Variants in FCHO1 observed in about 807,000 individuals in gnomAD.
FCHO1 encodes the protein F-BAR domain only protein 1.
A neutral mutation model predicts 114.4 loss-of-function variants in FCHO1; 45 were observed. The ratio of observed to expected loss-of-function variants is 0.39; its 90% CI spans 0.31 to 0.50. FCHO1 has a LOEUF of 0.50. Among genes scored for constraint, FCHO1 ranks in the 20% least tolerant of loss-of-function variants. FCHO1 has a pLI of 0.77. For missense variants in FCHO1, 1,042 were observed against 1,209.6 expected, an observed-to-expected ratio of 0.86 and a Z score of 2.06; for synonymous variants, 480 against 488.9, an observed-to-expected ratio of 0.98 and a Z score of 0.24.
At chr19:17,785,016 C>A in intron 26 of FCHO1, 92 bp downstream of exon 26, 2 of 1,295,862 alleles carry the variant, frequency 1.5e-6, no homozygotes, top group South Asian at 1.2e-5. Context: ...GGTGCACCCT[C>A]GGCCTGACCG....
chr19:17,776,254 T>G lies in FCHO1; in HGVS notation c.1190T>G (p.Met397Arg). The G allele has an allele frequency of 6.2e-7, 1 of 1,614,160 alleles. No individual in the cohort carries two copies. Among genetic ancestry groups the G allele is most frequent in the Non-Finnish European group, 8.5e-7 (1 of 1,180,030 alleles). ...TGCCCACTTTGTCCACAGGGCACCA[T>G]GAAACGCCATTCTTCACGTGAGTAG... ...LILPPGPGGTMKRHSSRDAAG... is the reference protein window; with the variant it reads ...LILPPGPGGTRKRHSSRDAAG... Residue 397 changes from methionine (M) to arginine (R), a missense_variant, in exon 17 of 29, where the codon ATG (methionine) becomes AGG (arginine). Physicochemically the swap from Met to Arg is moderately conservative, Grantham distance 91. Transcript: ENST00000596536. This position sits in a 1 kb window ranked among gnomAD's most constrained non-coding sequence, Gnocchi z 4.4.
intron 18 of FCHO1, among the ~76,000 whole-genome samples, chr19:17,777,555 A>T (rs1160045977): frequency 1.3e-5 from 2 of 151,624 alleles, no homozygotes; most frequent in Non-Finnish European, 2.9e-5. Context: ...AAAAAAAAAA[A>T]AAAAAAAGCA....
chr19:17,763,000 T>C, intron 5 of FCHO1, 147 bp downstream of exon 5: 1 of 605,472 alleles, frequency 1.7e-6, no homozygotes, highest in South Asian at 2.0e-5. Flanking sequence ...AAATGACCGA[T>C]TCTCAACCCG....
rs1388608046 is a variant in FCHO1, at chr19:17,784,703, C to G, written c.2227-22C>G. The G allele has an allele frequency of 8.7e-6, 14 of 1,611,760 alleles. No homozygotes were observed. The highest frequency in any genetic ancestry group is 6.7e-5 in the Admixed American group (4 of 59,998). ...CAGGATGGCCCAAGCTGTGTCCTCT[C>G]TCTCATTCTCATTCTTCCTAGTTCT... On this transcript the variant is annotated intron_variant, in intron 25 of 28. Transcript: ENST00000596536. This position sits in a 1 kb window ranked among gnomAD's most constrained non-coding sequence, Gnocchi z 5.3.
chr19:17,783,984 G>C, intron 24 of FCHO1, 119 bp from the exon 25 acceptor site: 4 of 1,275,644 alleles, frequency 3.1e-6, no homozygotes, highest in Non-Finnish European at 4.4e-6. Flanking sequence ...CCCAGGTAGG[G>C]CTTTGCTGGG....
chr19:17,774,384 C>G lies in FCHO1; in HGVS notation c.836-10C>G. ...TCACAGTGCTCAGGTGCCCCCCAAT[C>G]TATCCTCAGCGATGAAACGTTTGCG... On this transcript the variant is annotated splice_polypyrimidine_tract_variant and intron_variant, in intron 12 of 28. Transcript: ENST00000596536. 1 of 1,613,988 alleles carries G rather than the reference C, an allele frequency of 6.2e-7. No homozygotes were observed. Among genetic ancestry groups the G allele is most frequent in the East Asian group, 2.2e-5 (1 of 44,890 alleles).
chr19:17,770,242 AGT>A (rs1568342903), intron 7 of FCHO1, among the ~76,000 whole-genome samples, 181 bp from the exon 8 acceptor site: 1 of 152,142 alleles, frequency 6.6e-6, no homozygotes, highest in African/African-American at 2.4e-5. Context: ...CAGAGATTGC[AGT>A]GAGTCGAGAT....
chr19:17,786,759 A>G, intron 27 of FCHO1, 130 bp downstream of exon 27: 1 of 997,826 alleles, frequency 1.0e-6, no homozygotes, highest in Admixed American at 2.2e-5. Flanking sequence ...AAGTCTTTAA[A>G]AGCTGGAGGA....
intron 5 of FCHO1, 54 bp downstream of exon 5, chr19:17,762,907 C>A: frequency 8.1e-7 from 1 of 1,231,594 alleles, no homozygotes; most frequent in Non-Finnish European, 1.2e-6. Flanking sequence ...CCTGTAGTCA[C>A]GCCCACCTAA....
At chr19:17,748,227 G>A (rs2081037304), upstream of FCHO1, among the ~76,000 whole-genome samples, 1 of 152,144 alleles carries the variant, frequency 6.6e-6, no homozygotes. Flanking sequence ...CCCAGCTCCG[G>A]CCTGCAGACC....
intron 4 of FCHO1, among the ~76,000 whole-genome samples, chr19:17,757,656 C>T (rs1428701723): frequency 6.6e-6 from 1 of 152,180 alleles, no homozygotes; most frequent in Non-Finnish European, 1.5e-5. Context: ...TAGCTCACGT[C>T]TGTAATCCAA....
chr19:17,758,477 T>C lies in FCHO1; in HGVS notation c.27+3286T>C, dbSNP rs79062690. ...GTGAGGCTAGGAAGAAGCTAGGAGA[T>C]GAGGCTGGAGCAGCAATTCCAGGCC... On this transcript the variant is annotated intron_variant, in intron 4 of 28. Coordinates refer to ENST00000596536, the MANE Select transcript of FCHO1 (RefSeq NM_015122.3). Among the ~76,000 whole-genome samples the C allele has an allele frequency of 6.5e-3, 992 of 152,264 alleles. 11 individuals are homozygous for C. Among genetic ancestry groups the C allele is most frequent in the Non-Finnish European group, 7.5e-3 (508 of 68,030 alleles).
intron 24 of FCHO1, among the ~76,000 whole-genome samples, chr19:17,783,881 A>G (rs2093646913): frequency 6.6e-6 from 1 of 151,900 alleles, no homozygotes; most frequent in Non-Finnish European, 1.5e-5. Flanking sequence ...ACACCCAGCC[A>G]CCTCCTGGGA....
chr19:17,765,876 G>A (rs1287451755), intron 6 of FCHO1, among the ~76,000 whole-genome samples: 1 of 132,606 alleles, frequency 7.5e-6, no homozygotes, highest in Non-Finnish European at 1.6e-5. Context: ...TGGTGTCTTA[G>A]TCACTCTTTT....
At chr19:17,766,507 G>A in intron 6 of FCHO1, 162 bp from the exon 7 acceptor site, 2 of 910,840 alleles carry the variant, frequency 2.2e-6, no homozygotes, top group Non-Finnish European at 1.6e-6. Flanking sequence ...TTCCCCATCT[G>A]TCACAGGCCC....
rs775444008 is a variant in FCHO1, at chr19:17,787,890, C to G, written c.2647+44C>G. The G allele has an allele frequency of 1.4e-5, 23 of 1,587,892 alleles. No individual in the cohort carries two copies. The African/African-American group carries it at 2.4e-4, about 17-fold the overall frequency. ...GCTGGGTGACCTCAGGAGCCGAGAT[C>G]TTACAGGGGCAAGCCCCGGGGTGTG... is the stretch of plus-strand genomic sequence containing the variant. On this transcript the variant is annotated intron_variant, in intron 28 of 28. Coordinates refer to ENST00000596536, the MANE Select transcript of FCHO1 (RefSeq NM_015122.3).
chr19:17,765,188 G>C (rs974031361), intron 6 of FCHO1, among the ~76,000 whole-genome samples: 1 of 152,132 alleles, frequency 6.6e-6, no homozygotes, highest in East Asian at 1.9e-4. Flanking sequence ...GGCAGGCCAT[G>C]GGGATGTCTG....
intron 20 of FCHO1, among the ~76,000 whole-genome samples, chr19:17,780,207 C>T (rs540613363): frequency 1.3e-3 from 189 of 149,388 alleles, no homozygotes; most frequent in African/African-American, 1.3e-3. Context: ...TCTTGTTGCC[C>T]GGGCTGGAGT....
intron 20 of FCHO1, 103 bp downstream of exon 20, chr19:17,778,987 G>A: frequency 8.0e-7 from 1 of 1,250,674 alleles, no homozygotes; most frequent in Non-Finnish European, 1.1e-6. Context: ...GACACAGCCA[G>A]GACCAGGCAG....
Sources: gnomAD v4.1 joint callset for allele counts (sites outside exome capture counted in the v4.1 genomes callset) on GRCh38, gnomAD v4.1.1 for gene constraint, Gnocchi (gnomAD v3.1) non-coding constraint, MANE v1.5 for transcripts, NCBI Gene and HGNC (gene_info 2026-07-23, HGNC 2026-07-21) for gene names.